The following TMTC2 variants were observed in gnomAD, a reference collection of about 807,000 sequenced individuals.
TMTC2 encodes the protein transmembrane O-mannosyltransferase targeting cadherins 2, also known as protein O-mannosyl-transferase TMTC2.
Under a neutral mutation model 82.4 loss-of-function variants are expected in TMTC2, and 43 were observed. That is an observed-to-expected ratio of 0.52 (90% confidence interval 0.41 to 0.67). TMTC2 has a LOEUF of 0.67. TMTC2 is among the 30% of genes least tolerant of loss of function. The probability of loss-of-function intolerance (pLI) is 0.00; values close to 1 mark genes in which losing one functional copy is unlikely to be tolerated. For missense variants in TMTC2, 919 were observed against 1,012.4 expected (o/e 0.91, Z 1.25); for synonymous variants, 408 against 381.9 (o/e 1.07, Z -0.80).
intron 3 of TMTC2, among the ~76,000 whole-genome samples, chr12:82,907,286 A>C (rs1007270237): frequency 5.9e-5 from 9 of 151,538 alleles, no homozygotes; most frequent in Non-Finnish European, 1.2e-4. Flanking sequence ...GCATGGTGAA[A>C]CCCTGTATCT....
chr12:83,057,193 G>C (rs1337913932), intron 10 of TMTC2, among the ~76,000 whole-genome samples: 1 of 151,906 alleles, frequency 6.6e-6, no homozygotes, highest in Non-Finnish European at 1.5e-5. Context: ...TTCTAGATAT[G>C]GGTTTAACTC....
At chr12:83,099,017 A>G (rs1884124492) in intron 11 of TMTC2, among the ~76,000 whole-genome samples, 1 of 152,220 alleles carries the variant, frequency 6.6e-6, no homozygotes, top group African/African-American at 2.4e-5. Context: ...TAGCCTTTTA[A>G]TGAAATACTA....
chr12:82,839,688 C>T (rs1011067119), intron 1 of TMTC2, among the ~76,000 whole-genome samples: 9 of 152,108 alleles, frequency 5.9e-5, no homozygotes, highest in Non-Finnish European at 1.2e-4. Context: ...TTATTAGAAT[C>T]GATTATCTTT....
chr12:83,107,557 C>G (rs1268252731), intron 11 of TMTC2, among the ~76,000 whole-genome samples: 2 of 152,164 alleles, frequency 1.3e-5, no homozygotes, highest in African/African-American at 4.8e-5. Flanking sequence ...AAAGACCCCA[C>G]CTCCAATCAA....
intron 11 of TMTC2, among the ~76,000 whole-genome samples, chr12:83,087,529 T>C (rs893038951): frequency 1.3e-5 from 2 of 152,238 alleles, no homozygotes; most frequent in Non-Finnish European, 2.9e-5. Context: ...TAAAAATGTA[T>C]TTCTTAAGTA....
intron 1 of TMTC2, among the ~76,000 whole-genome samples, chr12:82,832,983 AC>A (rs1869833437): frequency 1.3e-5 from 2 of 152,112 alleles, no homozygotes; most frequent in African/African-American, 4.8e-5. Flanking sequence ...ATTTAGTACT[AC>A]CCCAGTTCTA....
chr12:82,910,055 G>C (rs1340700263), intron 3 of TMTC2, among the ~76,000 whole-genome samples: 1 of 152,174 alleles, frequency 6.6e-6, no homozygotes, highest in African/African-American at 2.4e-5. Flanking sequence ...TTAAAGAGCA[G>C]ATTTTCGAGA....
chr12:83,037,298 C>G (rs934109615), intron 9 of TMTC2, among the ~76,000 whole-genome samples: 5 of 152,054 alleles, frequency 3.3e-5, no homozygotes, highest in African/African-American at 1.2e-4. Context: ...TTTTATTATT[C>G]ATAACTAAAG....
chr12:82,814,899 T>C (rs1432095208), intron 1 of TMTC2, among the ~76,000 whole-genome samples: 1 of 152,078 alleles, frequency 6.6e-6, no homozygotes, highest in Non-Finnish European at 1.5e-5. Context: ...CAGGGGAAAG[T>C]TGAAAATGGA....
intron 9 of TMTC2, among the ~76,000 whole-genome samples, chr12:83,039,975 A>G (rs1038870276): frequency 2.0e-5 from 3 of 152,254 alleles, no homozygotes; most frequent in African/African-American, 4.8e-5. Flanking sequence ...AGAGCTTGGC[A>G]TCATGCTGGG....
chr12:82,997,386 A>ATATATATATGTGTG (rs1879700680), intron 8 of TMTC2, among the ~76,000 whole-genome samples: 1 of 39,956 alleles, frequency 2.5e-5, no homozygotes, highest in Non-Finnish European at 5.0e-5. Context: ...ATATATGTGT[A>ATATATATATGTGTG]TATATATATG....
chr12:82,777,740 TG>T (rs1340842702), intron 1 of TMTC2, among the ~76,000 whole-genome samples: 2 of 152,184 alleles, frequency 1.3e-5, no homozygotes, highest in Non-Finnish European at 2.9e-5. Flanking sequence ...TTCTTGGCTT[TG>T]CATCTCTCTT....
At chr12:82,900,592 A>C (rs866762631) in intron 3 of TMTC2, among the ~76,000 whole-genome samples, 18 of 144,826 alleles carry the variant, frequency 1.2e-4, no homozygotes, top group South Asian at 1.1e-3. Context: ...GAATATAGAT[A>C]TGTAGGAATA....
intron 10 of TMTC2, among the ~76,000 whole-genome samples, chr12:83,056,002 G>A (rs1882530609): frequency 6.6e-6 from 1 of 151,756 alleles, no homozygotes; most frequent in Non-Finnish European, 1.5e-5. Flanking sequence ...TTGTCACATT[G>A]GCTCCCTTAT....
intron 4 of TMTC2, among the ~76,000 whole-genome samples, chr12:82,963,583 A>C (rs1342879588): frequency 6.6e-6 from 1 of 151,254 alleles, no homozygotes; most frequent in African/African-American, 2.4e-5. Flanking sequence ...TATGTCAATA[A>C]AATTATTGTC....
chr12:83,017,136 G>GT lies in TMTC2; in HGVS notation c.2071-13660dup, dbSNP rs1180026638. ...GGATATCTTTGTTAATGCTCTCTTT[G>GT]TTAAGAGTGTCTTAGGGAATGGACA... On this transcript the variant is annotated intron_variant, in intron 8 of 11. Coordinates refer to ENST00000321196, the MANE Select transcript of TMTC2 (RefSeq NM_152588.3). 2.0e-5 allele frequency among the ~76,000 whole-genome samples: 3 copies of GT among 152,268 alleles called. No individual in the cohort carries two copies. The East Asian group carries it at 5.8e-4, about 30-fold the overall frequency.
chr12:82,771,729 A>G (rs992823033), intron 1 of TMTC2, among the ~76,000 whole-genome samples: 6 of 152,224 alleles, frequency 3.9e-5, no homozygotes, highest in African/African-American at 1.4e-4. Flanking sequence ...GAACAATAGA[A>G]AGTGATAAGT....
chr12:82,885,108 G>C (rs1017733318), intron 2 of TMTC2, among the ~76,000 whole-genome samples: 13 of 139,316 alleles, frequency 9.3e-5, no homozygotes, highest in African/African-American at 3.6e-4. Flanking sequence ...TTACTTTGTT[G>C]CCCAGGGTGG....
At chr12:82,802,013 T>C (rs1257658768) in intron 1 of TMTC2, among the ~76,000 whole-genome samples, 2 of 149,498 alleles carry the variant, frequency 1.3e-5, no homozygotes, top group East Asian at 3.9e-4. Flanking sequence ...TGGAGCTGCC[T>C]GCCAGTCCCA....
Sources: gnomAD v4.1 joint callset for allele counts (sites outside exome capture counted in the v4.1 genomes callset) on GRCh38, gnomAD v4.1.1 for gene constraint, MANE v1.5 for transcripts, NCBI Gene and HGNC (gene_info 2026-07-23, HGNC 2026-07-21) for gene names.